Variants in IGSF21 observed in about 807,000 individuals in gnomAD.
IGSF21 encodes the protein immunoglobin superfamily member 21.
Under a neutral mutation model 46.8 loss-of-function variants are expected in IGSF21, and 28 were observed. The observed-to-expected ratio is 0.60, with a 90% CI of 0.44 to 0.82. IGSF21 has a LOEUF of 0.82. Ranked by LOEUF, IGSF21 falls within the 40% of genes least tolerant of loss-of-function variation. The pLI, the probability that IGSF21 is intolerant of heterozygous loss-of-function variation, is 0.00. For synonymous variants in IGSF21, 284 were observed against 273.6 expected, an observed-to-expected ratio of 1.04 and a Z score of -0.38; for missense variants, 624 against 665.5, an observed-to-expected ratio of 0.94 and a Z score of 0.69.
chr1:18,237,511 C>G (rs2084684267), intron 2 of IGSF21, among the ~76,000 whole-genome samples: 1 of 152,210 alleles, frequency 6.6e-6, no homozygotes, highest in Admixed American at 6.5e-5. Flanking sequence ...TGCTTCTGTC[C>G]CCCGTGGCGC....
At chr1:18,217,606 A>G (rs749109569) in intron 1 of IGSF21, among the ~76,000 whole-genome samples, 1 of 152,168 alleles carries the variant, frequency 6.6e-6, no homozygotes, top group African/African-American at 2.4e-5. Context: ...TTGTGGATGC[A>G]TTGTGTCCTG....
At chr1:18,252,272 A>C (rs746815350) in intron 2 of IGSF21, among the ~76,000 whole-genome samples, 7 of 151,712 alleles carry the variant, frequency 4.6e-5, no homozygotes, top group Non-Finnish European at 1.0e-4. Context: ...GATGGTCTCG[A>C]TCTCCTGACC....
At chr1:18,309,354 C>T (rs1213145192) in intron 3 of IGSF21, among the ~76,000 whole-genome samples, 2 of 152,122 alleles carry the variant, frequency 1.3e-5, no homozygotes, top group Non-Finnish European at 2.9e-5. Flanking sequence ...GAGAACTCAG[C>T]CATGGAGGGG....
intron 1 of IGSF21, among the ~76,000 whole-genome samples, chr1:18,136,604 T>C (rs990569119): frequency 6.6e-6 from 1 of 152,236 alleles, no homozygotes; most frequent in African/African-American, 2.4e-5. Context: ...CTCTGTTCTG[T>C]TCCATTGGTC....
chr1:18,304,148 G>C (rs1450576026), intron 3 of IGSF21, among the ~76,000 whole-genome samples: 1 of 152,166 alleles, frequency 6.6e-6, no homozygotes, highest in South Asian at 2.1e-4. Context: ...GTTAAACGTG[G>C]CCCCTAGGGC....
At chr1:18,115,629 A>G (rs2086180779) in intron 1 of IGSF21, 1 of 152,204 alleles carries the variant, frequency 6.6e-6, no homozygotes, top group Admixed American at 6.5e-5. Context: ...CCACAGTGGC[A>G]TCACAGCTGG....
intron 1 of IGSF21, among the ~76,000 whole-genome samples, chr1:18,167,505 G>C (rs931842247): frequency 6.6e-6 from 1 of 152,140 alleles, no homozygotes; most frequent in East Asian, 1.9e-4. Context: ...GGTCTTGGGT[G>C]GTGGTGACCC....
chr1:18,206,308 G>A (rs976562321), intron 1 of IGSF21, among the ~76,000 whole-genome samples: 3 of 152,140 alleles, frequency 2.0e-5, no homozygotes, highest in African/African-American at 4.8e-5. Flanking sequence ...CAGCACTTTG[G>A]GAGGCTAAGG....
intron 2 of IGSF21, among the ~76,000 whole-genome samples, chr1:18,273,395 CTTT>C (rs2085064094): frequency 7.3e-6 from 1 of 136,592 alleles, no homozygotes; most frequent in African/African-American, 2.8e-5. Flanking sequence ...CTTTCCTTTC[CTTT>C]CCTTTCCTTT....
At position 18,365,153 on chromosome 1, in the gene IGSF21, C is replaced by T. The variant is rs148882673; in HGVS notation, c.541-70C>T. The T allele has an allele frequency of 2.1e-5, 26 of 1,226,012 alleles. No homozygotes were observed. In the Middle Eastern group the frequency reaches 1.2e-3, roughly 55 times the overall value. 75.9% of individuals were successfully genotyped at this position (1,226,012 alleles called of 1,614,324 possible). A position where few individuals can be genotyped will look rare whatever the true frequency, so the allele number is the denominator to read the frequency against. ...AACTGGCATCCTGTGCCCAGTTCAT[C>T]GGAGAACCCACTGGGAGGTTGAAGT... On this transcript the variant is annotated intron_variant, in intron 5 of 9. Coordinates refer to ENST00000251296, the MANE Select transcript of IGSF21 (RefSeq NM_032880.5). This position sits in a 1 kb window ranked among gnomAD's most constrained non-coding sequence, Gnocchi z 4.8.
Position 18,376,875 on chromosome 1 carries a change from G to A in IGSF21, c.1177G>A (p.Asp393Asn), listed in dbSNP as rs375600424. The change falls in exon 8 of 10, where the codon GAC becomes AAC. Residue 393 changes from aspartate to asparagine, a missense_variant. Asp to Asn is a conservative substitution (Grantham distance 23, BLOSUM62 1). Transcript: ENST00000251296. ...CCTCCTGGACGGCAGCGCTGAGTTCGACGGGAAGGAGCTGGTGCTGGAGCG... is the reference window on the plus strand; with the variant it reads ...CCTCCTGGACGGCAGCGCTGAGTTCAACGGGAAGGAGCTGGTGCTGGAGCG... ...SRLLDGSAEF[D>N]GKELVLERVP... is the part of the protein sequence containing the mutation. 9 of 1,612,896 alleles carry A rather than the reference G, an allele frequency of 5.6e-6. No homozygotes were observed. Among genetic ancestry groups the A allele is most frequent in the South Asian group, 4.4e-5 (4 of 91,036 alleles).
At chr1:18,165,513 A>G (rs976077941) in intron 1 of IGSF21, among the ~76,000 whole-genome samples, 3 of 152,222 alleles carry the variant, frequency 2.0e-5, no homozygotes, top group African/African-American at 4.8e-5. Flanking sequence ...ACACAGTCAC[A>G]TTCTGAGGTC....
At chr1:18,297,857 T>C (rs1303873217) in intron 3 of IGSF21, among the ~76,000 whole-genome samples, 1 of 152,202 alleles carries the variant, frequency 6.6e-6, no homozygotes, top group Non-Finnish European at 1.5e-5. Context: ...GTTGGTTGGA[T>C]CTGCAGATTC....
rs916962816 is a variant in IGSF21 at position 18,365,835 on chromosome 1, A to G, written c.1015+138A>G. 4 of 709,154 alleles carry G rather than the reference A, an allele frequency of 5.6e-6. No individual in the cohort carries two copies. The highest frequency in any genetic ancestry group is 9.2e-6 in the Non-Finnish European group (4 of 432,466). 43.9% of individuals were successfully genotyped at this position (709,154 alleles called of 1,614,324 possible). A position where few individuals can be genotyped will look rare whatever the true frequency, so the allele number is the denominator to read the frequency against. On this transcript the variant is annotated intron_variant, in intron 6 of 9. Coordinates refer to ENST00000251296, the MANE Select transcript of IGSF21 (RefSeq NM_032880.5). The surrounding 1 kb of genome is among the most constrained non-coding windows in gnomAD (Gnocchi z 4.8). The stretch of plus-strand genomic sequence containing the variant: ...GCAAACTGGAGTCAGGATGAGCACA[A>G]ATGGTAGAGTCAGGTTCTTAGGGAG...
At chr1:18,118,148 C>G (rs952203047) in intron 1 of IGSF21, among the ~76,000 whole-genome samples, 1 of 152,122 alleles carries the variant, frequency 6.6e-6, no homozygotes, top group Non-Finnish European at 1.5e-5. Context: ...TTTTTTGTTC[C>G]TTTGCCAAGC....
chr1:18,291,619 G>A (rs1005989297), intron 2 of IGSF21, among the ~76,000 whole-genome samples: 5 of 152,174 alleles, frequency 3.3e-5, no homozygotes, highest in Admixed American at 6.5e-5. Context: ...CTTTCCTGCC[G>A]CAGGGCCTTT....
At chr1:18,279,663 T>C (rs1043051554) in intron 2 of IGSF21, among the ~76,000 whole-genome samples, 64 of 152,184 alleles carry the variant, frequency 4.2e-4, no homozygotes, top group Non-Finnish European at 2.6e-4. Context: ...TCAGTGTTCT[T>C]CCTCTCCAAC....
In IGSF21 at chr1:18,362,590, C is replaced by T. The variant is rs116446824; in HGVS notation, c.540+360C>T. Among the ~76,000 whole-genome samples, 761 of 152,226 alleles carry T rather than the reference C, an allele frequency of 5.0e-3. 4 individuals are homozygous for T. The highest frequency in any genetic ancestry group is 0.017 in the African/African-American group (712 of 41,526). On this transcript the variant is annotated intron_variant, in intron 5 of 9. Coordinates refer to ENST00000251296, the MANE Select transcript of IGSF21 (RefSeq NM_032880.5). Reference sequence around the variant, plus strand: ...GCCCCGAGAGGAAAAGGGGCTTGTCCCAAGTCACCATGGCACTCCTGACAG... The same window carrying T: ...GCCCCGAGAGGAAAAGGGGCTTGTCTCAAGTCACCATGGCACTCCTGACAG...
At position 18,376,216 on chromosome 1, in the gene IGSF21, C is replaced by T. The variant is rs80203984; in HGVS notation, c.1016-94C>T. 4.0e-3 allele frequency: 3,474 copies of T among 866,112 alleles called. 82 individuals carry two copies. The African/African-American group carries it at 0.05, about 12-fold the overall frequency. The allele number at this position is 866,112 out of a possible 1,614,324, so 53.7% of individuals were successfully genotyped here. ...AGCTTCTCACAGAAGCAGCTGATCC[C>T]AAGGATGTTGATTGCTAGACTAGAA... On this transcript the variant is annotated intron_variant, in intron 6 of 9. Transcript: ENST00000251296.
Sources: gnomAD v4.1 joint callset for allele counts (sites outside exome capture counted in the v4.1 genomes callset) on GRCh38, gnomAD v4.1.1 for gene constraint, Gnocchi (gnomAD v3.1) non-coding constraint, MANE v1.5 for transcripts, NCBI Gene and HGNC (gene_info 2026-07-23, HGNC 2026-07-21) for gene names.